Variants in LRP1B observed in about 807,000 individuals in gnomAD.
The protein encoded by LRP1B is low-density lipoprotein receptor-related protein 1B.
A neutral mutation model predicts 556.6 loss-of-function variants in LRP1B; 217 were observed. The observed-to-expected ratio is 0.39, with a 90% CI of 0.35 to 0.44. LRP1B has a LOEUF of 0.44. Ranked by LOEUF, LRP1B falls within the 20% of genes least tolerant of loss-of-function variation. LRP1B has a pLI of 1.00. For synonymous variants in LRP1B, 2,047 were observed against 1,865.8 expected (o/e 1.10, Z -2.50); for missense variants, 5,053 against 5,620.8 (o/e 0.90, Z 3.23).
chr2:140,742,094 C>A (rs288128), intron 35 of LRP1B, among the ~76,000 whole-genome samples: 7 of 152,200 alleles, frequency 4.6e-5, no homozygotes, highest in African/African-American at 1.7e-4. Context: ...GATTTCTTTT[C>A]ATATGCGATT....
chr2:140,830,801 T>C (rs945924277), intron 31 of LRP1B, among the ~76,000 whole-genome samples: 1 of 152,080 alleles, frequency 6.6e-6, no homozygotes, highest in African/African-American at 2.4e-5. Context: ...CATGATATTA[T>C]ACTTAGGAAA....
intron 3 of LRP1B, among the ~76,000 whole-genome samples, chr2:141,348,418 G>A (rs1255543904): frequency 6.6e-6 from 1 of 151,928 alleles, no homozygotes; most frequent in Non-Finnish European, 1.5e-5. Flanking sequence ...CAAAGCAAAT[G>A]AGTGCAAGAT....
intron 1 of LRP1B, among the ~76,000 whole-genome samples, chr2:141,927,245 A>G (rs551145730): frequency 6.6e-6 from 1 of 152,264 alleles, no homozygotes; most frequent in South Asian, 2.1e-4. Flanking sequence ...GAATTATTAT[A>G]AACAGTCATA....
chr2:140,646,875 C>T (rs1684504352), intron 41 of LRP1B, among the ~76,000 whole-genome samples: 1 of 151,836 alleles, frequency 6.6e-6, no homozygotes, highest in African/African-American at 2.4e-5. Context: ...AGGTATGAAA[C>T]ATACCTATAC....
intron 1 of LRP1B, among the ~76,000 whole-genome samples, chr2:141,866,349 A>C (rs1217019630): frequency 6.6e-6 from 1 of 152,238 alleles, no homozygotes; most frequent in African/African-American, 2.4e-5. Context: ...GGTCATAACC[A>C]CAAAAATGTT....
At chr2:140,744,108 G>T (rs1185251338) in intron 35 of LRP1B, among the ~76,000 whole-genome samples, 1 of 151,694 alleles carries the variant, frequency 6.6e-6, no homozygotes, top group African/African-American at 2.4e-5. Flanking sequence ...CAGGTTCTGG[G>T]GATCTAAGGT....
intron 1 of LRP1B, among the ~76,000 whole-genome samples, chr2:142,106,330 T>C (rs1022442120): frequency 6.6e-6 from 1 of 152,196 alleles, no homozygotes; most frequent in Non-Finnish European, 1.5e-5. Flanking sequence ...AATTAAGTTT[T>C]AATTCTGTAA....
At chr2:141,200,623 A>G (rs1278207485) in intron 6 of LRP1B, among the ~76,000 whole-genome samples, 1 of 152,122 alleles carries the variant, frequency 6.6e-6, no homozygotes, top group African/African-American at 2.4e-5. Flanking sequence ...ATGTACACAC[A>G]CATACATACA....
chr2:140,873,346 TACCATA>T (rs1693201385), intron 25 of LRP1B, among the ~76,000 whole-genome samples: 1 of 152,124 alleles, frequency 6.6e-6, no homozygotes, highest in African/African-American at 2.4e-5. Flanking sequence ...TTAGTAAGAT[TACCATA>T]ACTTCTAATC....
At chr2:140,275,095 T>C (rs991428098) in intron 84 of LRP1B, among the ~76,000 whole-genome samples, 1 of 151,954 alleles carries the variant, frequency 6.6e-6, no homozygotes, top group African/African-American at 2.4e-5. Context: ...AACTTTCTCA[T>C]TAATGCAGAA....
chr2:140,975,480 A>C (rs954581079), intron 18 of LRP1B, among the ~76,000 whole-genome samples: 1 of 29,026 alleles, frequency 3.4e-5, no homozygotes, highest in Non-Finnish European at 9.6e-5. Flanking sequence ...CTGAAGAGCT[A>C]AAGTTATATA....
intron 41 of LRP1B, among the ~76,000 whole-genome samples, chr2:140,698,614 C>A (rs1686519589): frequency 6.6e-6 from 1 of 151,946 alleles, no homozygotes; most frequent in Non-Finnish European, 1.5e-5. Context: ...GAAGAGCTTC[C>A]AGCCTCCCGA....
intron 1 of LRP1B, among the ~76,000 whole-genome samples, chr2:141,924,421 T>C (rs758776949): frequency 5.9e-5 from 9 of 152,118 alleles, no homozygotes; most frequent in Non-Finnish European, 1.2e-4. Flanking sequence ...TTCAAGCCCA[T>C]GTGTATCCCC....
At chr2:140,712,639 A>G (rs1483339328) in intron 37 of LRP1B, among the ~76,000 whole-genome samples, 1 of 151,298 alleles carries the variant, frequency 6.6e-6, no homozygotes, top group African/African-American at 2.4e-5. Flanking sequence ...CTTATCTTCT[A>G]TTTCTCCTCT....
chr2:141,791,865 A>T (rs571840313), intron 2 of LRP1B, among the ~76,000 whole-genome samples: 1 of 152,010 alleles, frequency 6.6e-6, no homozygotes, highest in African/African-American at 2.4e-5. Context: ...CTTACAAAAG[A>T]TCATCCAGCT....
chr2:141,832,344 C>CTT (rs1574409481), intron 1 of LRP1B, among the ~76,000 whole-genome samples: 2 of 150,490 alleles, frequency 1.3e-5, no homozygotes, highest in East Asian at 1.9e-4. Context: ...CACACACACA[C>CTT]ACACACACAC....
chr2:141,811,903 G>A (rs1393020912), intron 1 of LRP1B, among the ~76,000 whole-genome samples: 2 of 152,182 alleles, frequency 1.3e-5, no homozygotes, highest in African/African-American at 4.8e-5. Flanking sequence ...GAAGAGACAG[G>A]CTGAGACAAA....
At position 141,164,364 on chromosome 2, in the gene LRP1B, A is replaced by G. The variant is rs577944657; in HGVS notation, c.1013+24057T>C. 1.1e-4 allele frequency among the ~76,000 whole-genome samples: 16 copies of G among 152,192 alleles called. No individual in the cohort carries two copies. The South Asian group carries it at 1.4e-3, about 14-fold the overall frequency. On this transcript the variant is annotated intron_variant, in intron 7 of 90. Coordinates refer to ENST00000389484, the MANE Select transcript of LRP1B (RefSeq NM_018557.3). ...CCCCAATTTTCATCAATGTCCATCA[A>G]TGGTCACACTAAATAGCCTAAACTG...
At chr2:141,826,746 T>G (rs1275607086) in intron 1 of LRP1B, among the ~76,000 whole-genome samples, 1 of 152,218 alleles carries the variant, frequency 6.6e-6, no homozygotes, top group Non-Finnish European at 1.5e-5. Flanking sequence ...ACTTTAAAAA[T>G]AAATTACTAA....
Sources: gnomAD v4.1 joint callset for allele counts (sites outside exome capture counted in the v4.1 genomes callset) on GRCh38, gnomAD v4.1.1 for gene constraint, MANE v1.5 for transcripts, NCBI Gene and HGNC (gene_info 2026-07-23, HGNC 2026-07-21) for gene names.